TAS2R3: variants seen among roughly 807,000 people sequenced by gnomAD.
The protein encoded by TAS2R3 is taste receptor type 2 member 3.
In TAS2R3, 10 loss-of-function variants were observed where a neutral mutation model predicts 15.3. That is an observed-to-expected ratio of 0.65 (90% CI 0.40 to 1.11). The LOEUF (loss-of-function observed/expected upper bound fraction) is 1.11. TAS2R3 is among the 50% of genes least tolerant of loss of function. The pLI, the probability that TAS2R3 is intolerant of heterozygous loss-of-function variation, is 0.00. For missense variants in TAS2R3, 383 were observed against 370.3 expected, an observed-to-expected ratio of 1.03 and a Z score of -0.28; for synonymous variants, 162 against 141.3, an observed-to-expected ratio of 1.15 and a Z score of -1.04.
chr7:141,764,445 G>A lies in TAS2R3; in HGVS notation c.287G>A (p.Ser96Asn), dbSNP rs773253907. 3 of 1,614,096 alleles carry A rather than the reference G, an allele frequency of 1.9e-6. No individual in the cohort carries two copies. Among genetic ancestry groups the A allele is most frequent in the Admixed American group, 1.7e-5 (1 of 60,018 alleles). Residue 96 changes from serine to asparagine, a missense_variant, in exon 1 of 1, where the codon AGC becomes AAC. Coordinates refer to ENST00000247879, the MANE Select transcript of TAS2R3 (RefSeq NM_016943.2). ...DVSWTFTNHLSIWLATCLGVL... is the reference protein window; with the variant it reads ...DVSWTFTNHLNIWLATCLGVL... ...TCCTGGACATTTACAAACCATCTGA[G>A]CATTTGGCTTGCCACCTGTCTTGGT...
Position 141,764,237 on chromosome 7 carries a change from A to G in TAS2R3, c.79A>G (p.Ile27Val). 1.7e-5 allele frequency: 27 copies of G among 1,614,182 alleles called. No individual in the cohort carries two copies. The highest frequency in any genetic ancestry group is 2.3e-5 in the Non-Finnish European group (27 of 1,180,038). ...FTLGILVNCF[I>V]ELVNGSSWFK... Reference sequence around the variant, plus strand: ...ACTGGGAATTCTGGTCAATTGTTTCATTGAGTTGGTCAATGGTAGCAGCTG... The same window carrying G: ...ACTGGGAATTCTGGTCAATTGTTTCGTTGAGTTGGTCAATGGTAGCAGCTG... Residue 27 changes from isoleucine (I) to valine (V), a missense_variant, in exon 1 of 1, where the codon ATT (isoleucine) becomes GTT (valine). Coordinates refer to ENST00000247879, the MANE Select transcript of TAS2R3 (RefSeq NM_016943.2).
chr7:141,765,143 C>G lies in TAS2R3; in HGVS notation c.*34C>G. On this transcript the variant is annotated 3_prime_UTR_variant, in exon 1 of 1. Coordinates refer to ENST00000247879, the MANE Select transcript of TAS2R3 (RefSeq NM_016943.2). ...AGGGCATGGGGTGGAGCCCTTGAGCCTTTTGGCCTGGCTCAAGACTACAGG... is the reference window on the plus strand; with the variant it reads ...AGGGCATGGGGTGGAGCCCTTGAGCGTTTTGGCCTGGCTCAAGACTACAGG... 1.3e-6 allele frequency: 2 copies of G among 1,562,918 alleles called. No homozygotes were observed. The highest frequency in any genetic ancestry group is 1.7e-6 in the Non-Finnish European group (2 of 1,158,022).
At position 141,764,681 on chromosome 7, in the gene TAS2R3, A is replaced by G; in HGVS notation, c.523A>G (p.Arg175Gly). ...TGTGACTGAACACTTCAGAAAGAAG[A>G]GGAGTGAGTATTATCTGATCCATGT... ...RNVTEHFRKK[R>G]SEYYLIHVLG... Residue 175 changes from arginine to glycine, a missense_variant, in exon 1 of 1, where the codon AGG becomes GGG. Coordinates refer to ENST00000247879, the MANE Select transcript of TAS2R3 (RefSeq NM_016943.2). The G allele has an allele frequency of 1.2e-6, 2 of 1,614,136 alleles. No homozygotes were observed. Among genetic ancestry groups the G allele is most frequent in the Non-Finnish European group, 1.7e-6 (2 of 1,180,014 alleles).
At position 141,764,242 on chromosome 7, in the gene TAS2R3, G is replaced by T. The variant is rs1255665686; in HGVS notation, c.84G>T (p.Glu28Asp). The change falls in exon 1 of 1, where the codon GAG becomes GAT. Residue 28 changes from glutamate (E) to aspartate (D), a missense_variant. Coordinates refer to ENST00000247879, the MANE Select transcript of TAS2R3 (RefSeq NM_016943.2). ...TLGILVNCFIELVNGSSWFKT... is the reference protein window; with the variant it reads ...TLGILVNCFIDLVNGSSWFKT... ...GAATTCTGGTCAATTGTTTCATTGA[G>T]TTGGTCAATGGTAGCAGCTGGTTCA... 5.6e-6 allele frequency: 9 copies of T among 1,614,190 alleles called. No individual in the cohort carries two copies. In the East Asian group the frequency reaches 2.0e-4, roughly 36 times the overall value.
chr7:141,764,814 CA>C, the TAS2R3 span: 1 of 1,614,004 alleles, frequency 6.2e-7, no homozygotes, highest in African/African-American at 1.3e-5. Flanking sequence ...CAAAATGGGA[CA>C]AGCTCCAGAG....
rs1333530480 is a variant in TAS2R3, at chr7:141,764,345, T to A, written c.187T>A (p.Leu63Met). ...LLRIILLCIILTDSFLIEFSP... is the reference protein window; with the variant it reads ...LLRIILLCIIMTDSFLIEFSP... ...GAGGATCATTCTGCTGTGTATTATCTTGACTGATAGTTTTTTAATAGAATT... is the reference window on the plus strand; with the variant it reads ...GAGGATCATTCTGCTGTGTATTATCATGACTGATAGTTTTTTAATAGAATT... Residue 63 changes from leucine (L) to methionine (M), a missense_variant, in exon 1 of 1, where the codon TTG (leucine) becomes ATG (methionine). Coordinates refer to ENST00000247879, the MANE Select transcript of TAS2R3 (RefSeq NM_016943.2). 2 of 1,614,102 alleles carry A rather than the reference T, an allele frequency of 1.2e-6. No individual in the cohort carries two copies. The highest frequency in any genetic ancestry group is 8.5e-7 in the Non-Finnish European group (1 of 1,180,058).
rs749182801 is a variant in TAS2R3, at chr7:141,764,225, G to T, written c.67G>T (p.Val23Phe). ...CACTCAGTTCACACTGGGAATTCTG[G>T]TCAATTGTTTCATTGAGTTGGTCAA... ...SGTQFTLGIL[V>F]NCFIELVNGS... Residue 23 changes from valine (V) to phenylalanine (F), a missense_variant, in exon 1 of 1, where the codon GTC becomes TTC. Val to Phe is a conservative substitution (Grantham distance 50, BLOSUM62 -1). Transcript: ENST00000247879. 1 of 1,614,156 alleles carries T rather than the reference G, an allele frequency of 6.2e-7. No homozygotes were observed. Among genetic ancestry groups the T allele is most frequent in the Non-Finnish European group, 8.5e-7 (1 of 1,180,028 alleles).
rs1563035274 is a variant in TAS2R3 at position 141,764,467 on chromosome 7, T to C, written c.309T>C (p.Leu103=). ...TGAGCATTTGGCTTGCCACCTGTCT[T>C]GGTGTCCTCTACTGCCTGAAAATCG... The part of the protein sequence containing the change: ...NHLSIWLATC[L]GVLYCLKIAS... Residue 103 remains leucine (L), a synonymous_variant, in exon 1 of 1, where the codon CTT becomes CTC. Coordinates refer to ENST00000247879, the MANE Select transcript of TAS2R3 (RefSeq NM_016943.2). 1.2e-6 allele frequency: 2 copies of C among 1,614,176 alleles called. No individual in the cohort carries two copies. The highest frequency in any genetic ancestry group is 1.7e-5 in the Admixed American group (1 of 60,030).
At position 141,764,677 on chromosome 7, in the gene TAS2R3, G is replaced by C. The variant is rs202194484; in HGVS notation, c.519G>C (p.Lys173Asn). The C allele has an allele frequency of 1.3e-4, 217 of 1,614,014 alleles. 1 individual carries two copies. The highest frequency in any genetic ancestry group is 1.7e-6 in the Non-Finnish European group (2 of 1,180,034). ...GGAATGTGACTGAACACTTCAGAAAGAAGAGGAGTGAGTATTATCTGATCC... is the reference window on the plus strand; with the variant it reads ...GGAATGTGACTGAACACTTCAGAAACAAGAGGAGTGAGTATTATCTGATCC... ...ATRNVTEHFR[K>N]KRSEYYLIHV... is the part of the protein sequence containing the mutation. Residue 173 changes from lysine to asparagine, a missense_variant, in exon 1 of 1, where the codon AAG becomes AAC. Physicochemically the swap from Lys to Asn is moderately conservative, Grantham distance 94. Transcript: ENST00000247879.
rs1264650817 is a variant in TAS2R3 at position 141,764,573 on chromosome 7, C to T, written c.415C>T (p.Leu139Phe). Reference protein sequence around the residue: ...VMVWMLLGALLLSCGSTASLI... With the variant: ...VMVWMLLGALFLSCGSTASLI... ...GGTATGGATGCTGTTGGGTGCACTG[C>T]TCTTATCCTGTGGTAGTACCGCATC... The change falls in exon 1 of 1, where the codon CTC becomes TTC. Residue 139 changes from leucine (L) to phenylalanine (F), a missense_variant. Physicochemically the swap from Leu to Phe is conservative, Grantham distance 22 (BLOSUM62 0). Transcript: ENST00000247879. 6.2e-7 allele frequency: 1 copy of T among 1,613,972 alleles called. No homozygotes were observed. Among genetic ancestry groups the T allele is most frequent in the Non-Finnish European group, 8.5e-7 (1 of 1,180,020 alleles).
rs1800106470 is a variant in TAS2R3, at chr7:141,764,882, C to A, written c.724C>A (p.Leu242Ile). The change falls in exon 1 of 1, where the codon CTC (leucine) becomes ATC (isoleucine). Residue 242 changes from leucine to isoleucine, a missense_variant. Coordinates refer to ENST00000247879, the MANE Select transcript of TAS2R3 (RefSeq NM_016943.2). ...AIRIILSFFF[L>I]FLLYFLAFLI... Reference sequence around the variant, plus strand: ...CAGAATCATCCTTTCCTTCTTCTTTCTCTTCTTACTTTACTTTCTTGCTTT... The same window carrying A: ...CAGAATCATCCTTTCCTTCTTCTTTATCTTCTTACTTTACTTTCTTGCTTT... The A allele has an allele frequency of 3.1e-6, 5 of 1,614,202 alleles. No homozygotes were observed. The highest frequency in any genetic ancestry group is 8.5e-7 in the Non-Finnish European group (1 of 1,180,044).
rs765219078 is a variant in TAS2R3 at position 141,764,912 on chromosome 7, A to G, written c.754A>G (p.Ile252Val). The change falls in exon 1 of 1, where the codon ATT becomes GTT. Residue 252 changes from isoleucine to valine, a missense_variant. By Grantham distance (29) the Ile-to-Val change is conservative (BLOSUM62 3). Coordinates refer to ENST00000247879, the MANE Select transcript of TAS2R3 (RefSeq NM_016943.2). ...LFLLYFLAFL[I>V]ASFGNFLPKT... ...CTTACTTTACTTTCTTGCTTTCTTA[A>G]TTGCATCATTTGGTAATTTCCTACC... The G allele has an allele frequency of 4.3e-6, 7 of 1,614,176 alleles. No homozygotes were observed. Among genetic ancestry groups the G allele is most frequent in the Non-Finnish European group, 5.9e-6 (7 of 1,180,026 alleles).
rs566673060 is a variant in TAS2R3 at position 141,764,757 on chromosome 7, A to G, written c.599A>G (p.Tyr200Cys). 5 of 1,613,334 alleles carry G rather than the reference A, an allele frequency of 3.1e-6. No individual in the cohort carries two copies. The highest frequency in any genetic ancestry group is 3.3e-5 in the Admixed American group (2 of 59,956). ...LPPLIVSLAS[Y>C]SLLIFSLGRH... is the part of the protein sequence containing the mutation. ...CCCTTAATTGTGTCCCTGGCCTCCT[A>G]CTCTTTGCTCATCTTCTCCCTGGGG... Residue 200 changes from tyrosine to cysteine, a missense_variant, in exon 1 of 1, where the codon TAC becomes TGC. By Grantham distance (194) the Tyr-to-Cys change is radical (BLOSUM62 -2). Coordinates refer to ENST00000247879, the MANE Select transcript of TAS2R3 (RefSeq NM_016943.2).
rs778260890 is a variant in TAS2R3 at position 141,765,092 on chromosome 7, G to A, written c.934G>A (p.Gly312Arg). The A allele has an allele frequency of 2.5e-6, 4 of 1,611,502 alleles. No homozygotes were observed. In the African/African-American group the frequency reaches 5.4e-5, roughly 22 times the overall value. ...ESGHLKPGSK[G>R]PIFS Reference sequence around the variant, plus strand: ...TGGTCATCTGAAGCCTGGATCCAAGGGACCCATTTTCTCTTAGAGTAACAG... The same window carrying A: ...TGGTCATCTGAAGCCTGGATCCAAGAGACCCATTTTCTCTTAGAGTAACAG... Residue 312 changes from glycine (G) to arginine (R), a missense_variant, in exon 1 of 1, where the codon GGA becomes AGA. Gly to Arg is a moderately radical substitution (Grantham distance 125, BLOSUM62 -2). Coordinates refer to ENST00000247879, the MANE Select transcript of TAS2R3 (RefSeq NM_016943.2).
Position 141,764,268 on chromosome 7 carries a change from A to G in TAS2R3, c.110A>G (p.Lys37Arg). Residue 37 changes from lysine (K) to arginine (R), a missense_variant, in exon 1 of 1, where the codon AAG becomes AGG. By Grantham distance (26) the Lys-to-Arg change is conservative. Coordinates refer to ENST00000247879, the MANE Select transcript of TAS2R3 (RefSeq NM_016943.2). ...TTGGTCAATGGTAGCAGCTGGTTCA[A>G]GACCAAGAGAATGTCTTTGTCTGAC... Reference protein sequence around the residue: ...IELVNGSSWFKTKRMSLSDFI... With the variant: ...IELVNGSSWFRTKRMSLSDFI... 1 of 1,614,220 alleles carries G rather than the reference A, an allele frequency of 6.2e-7. No individual in the cohort carries two copies. Among genetic ancestry groups the G allele is most frequent in the South Asian group, 1.1e-5 (1 of 91,082 alleles).
In TAS2R3 at chr7:141,764,429, T is replaced by C. The variant is rs1563035255; in HGVS notation, c.271T>C (p.Phe91Leu). 2.5e-6 allele frequency: 4 copies of C among 1,614,192 alleles called. No individual in the cohort carries two copies. Among genetic ancestry groups the C allele is most frequent in the South Asian group, 2.2e-5 (2 of 91,068 alleles). ...GCAAATTATTGATGTTTCCTGGACA[T>C]TTACAAACCATCTGAGCATTTGGCT... The part of the protein sequence containing the change: ...IMQIIDVSWT[F>L]TNHLSIWLAT... Residue 91 changes from phenylalanine to leucine, a missense_variant, in exon 1 of 1, where the codon TTT (phenylalanine) becomes CTT (leucine). Transcript: ENST00000247879.
rs1364462321 is a variant in TAS2R3 at position 141,764,973 on chromosome 7, T to C, written c.815T>C (p.Met272Thr). 13 of 1,614,106 alleles carry C rather than the reference T, an allele frequency of 8.1e-6. No individual in the cohort carries two copies. The highest frequency in any genetic ancestry group is 1.1e-5 in the Non-Finnish European group (13 of 1,180,044). Residue 272 changes from methionine (M) to threonine (T), a missense_variant, in exon 1 of 1, where the codon ATG (methionine) becomes ACG (threonine). Met to Thr is a moderately conservative substitution (Grantham distance 81, BLOSUM62 -1). Coordinates refer to ENST00000247879, the MANE Select transcript of TAS2R3 (RefSeq NM_016943.2). ...ATGGCTAAGATGATTGGCGAAGTAATGACAATGTTTTATCCTGCTGGCCAC... is the reference window on the plus strand; with the variant it reads ...ATGGCTAAGATGATTGGCGAAGTAACGACAATGTTTTATCCTGCTGGCCAC... ...TKMAKMIGEV[M>T]TMFYPAGHSF...
chr7:141,764,754 C>T lies in TAS2R3; in HGVS notation c.596C>T (p.Ser199Phe). ...YLPPLIVSLASYSLLIFSLGR... is the reference protein window; with the variant it reads ...YLPPLIVSLAFYSLLIFSLGR... ...CCTCCCTTAATTGTGTCCCTGGCCT[C>T]CTACTCTTTGCTCATCTTCTCCCTG... Residue 199 changes from serine to phenylalanine, a missense_variant, in exon 1 of 1, where the codon TCC becomes TTC. Physicochemically the swap from Ser to Phe is radical, Grantham distance 155 (BLOSUM62 -2). Coordinates refer to ENST00000247879, the MANE Select transcript of TAS2R3 (RefSeq NM_016943.2). The T allele has an allele frequency of 1.9e-6, 3 of 1,613,904 alleles. No homozygotes were observed. Among genetic ancestry groups the T allele is most frequent in the Non-Finnish European group, 2.5e-6 (3 of 1,179,858 alleles).
At chr7:141,764,355 GT>G in the TAS2R3 span, 12 of 1,614,030 alleles carry the variant, frequency 7.4e-6, no homozygotes, top group African/African-American at 1.1e-4. Context: ...TTGACTGATA[GT>G]TTTTTAATAG....
Sources: allele counts gnomAD v4.1 joint callset, GRCh38; gene constraint gnomAD v4.1.1; transcripts MANE v1.5; gene names NCBI Gene and HGNC (gene_info 2026-07-23, HGNC 2026-07-21).